RBM46: variants seen among roughly 807,000 people sequenced by gnomAD.
RBM46 encodes the protein RNA binding motif protein 46.
Under a neutral mutation model 43.3 loss-of-function variants are expected in RBM46, and 12 were observed. The ratio of observed to expected loss-of-function variants is 0.28; its 90% CI spans 0.18 to 0.45. The LOEUF (loss-of-function observed/expected upper bound fraction) is 0.45. RBM46 is among the 20% of genes least tolerant of loss of function. The pLI, the probability that RBM46 is intolerant of heterozygous loss-of-function variation, is 1.00. For synonymous variants in RBM46, 205 were observed against 207.6 expected, an observed-to-expected ratio of 0.99 and a Z score of 0.11; for missense variants, 412 against 639.1, an observed-to-expected ratio of 0.64 and a Z score of 3.83.
chr4:154,811,108 T>C (rs2111178547), intron 4 of RBM46, among the ~76,000 whole-genome samples: 1 of 152,318 alleles, frequency 6.6e-6, no homozygotes, highest in South Asian at 2.1e-4. Context: ...CAGTTAGAGT[T>C]CTGATAAATG....
chr4:154,811,002 C>A (rs1245828465), intron 4 of RBM46, among the ~76,000 whole-genome samples: 1 of 152,170 alleles, frequency 6.6e-6, no homozygotes, highest in African/African-American at 2.4e-5. Context: ...CAAATACTTA[C>A]CTAAGGCTGT....
intron 4 of RBM46, among the ~76,000 whole-genome samples, chr4:154,815,715 C>A (rs1476116425): frequency 6.6e-6 from 1 of 151,762 alleles, no homozygotes; most frequent in Non-Finnish European, 1.5e-5. Context: ...TTTAAAATAT[C>A]TTGTTCTACT....
At chr4:154,817,377 G>C (rs1456713337) in intron 4 of RBM46, among the ~76,000 whole-genome samples, 5 of 146,720 alleles carry the variant, frequency 3.4e-5, no homozygotes, top group Non-Finnish European at 7.4e-5. Context: ...CTGTCGCCCA[G>C]GCTGGAGTGC....
At chr4:154,796,961 A>G in intron 2 of RBM46, 58 bp downstream of exon 2, 1 of 1,421,854 alleles carries the variant, frequency 7.0e-7, no homozygotes, top group Admixed American at 1.9e-5. Flanking sequence ...TGTAGATTAG[A>G]TGTGTATCCC....
At chr4:154,797,158 G>C (rs1734395459) in intron 2 of RBM46, among the ~76,000 whole-genome samples, 1 of 152,096 alleles carries the variant, frequency 6.6e-6, no homozygotes, top group South Asian at 2.1e-4. Context: ...TCAGGATTAG[G>C]AAAGTAGGAA....
In RBM46 at chr4:154,817,050, T is replaced by C. The variant is rs548020953; in HGVS notation, c.1403-10818T>C. 3.3e-5 allele frequency among the ~76,000 whole-genome samples: 5 copies of C among 152,148 alleles called. No homozygotes were observed. In the South Asian group the frequency reaches 8.3e-4, roughly 25 times the overall value. ...ATGGTACATTATACATTATACTTTTTATATATTGCTAAAATTCATTTGTTT... is the reference window on the plus strand; with the variant it reads ...ATGGTACATTATACATTATACTTTTCATATATTGCTAAAATTCATTTGTTT... On this transcript the variant is annotated intron_variant, in intron 4 of 4. Coordinates refer to ENST00000281722, the MANE Select transcript of RBM46 (RefSeq NM_144979.5).
chr4:154,822,317 A>G (rs906743277), intron 4 of RBM46, among the ~76,000 whole-genome samples: 2 of 151,540 alleles, frequency 1.3e-5, no homozygotes, highest in African/African-American at 4.8e-5. Flanking sequence ...TAGAATTTCA[A>G]CCCCTTGCTT....
chr4:154,786,729 C>T (rs1733789805), intron 1 of RBM46, among the ~76,000 whole-genome samples: 2 of 151,914 alleles, frequency 1.3e-5, no homozygotes, highest in Non-Finnish European at 2.9e-5. Flanking sequence ...GAGTTCAAGA[C>T]AAGCCTGACC....
At chr4:154,803,201 G>T (rs535596056) in intron 4 of RBM46, among the ~76,000 whole-genome samples, 2 of 151,940 alleles carry the variant, frequency 1.3e-5, no homozygotes, top group Non-Finnish European at 2.9e-5. Context: ...AAATATTTAG[G>T]TGTTTTTTTT....
In RBM46 at chr4:154,799,178, G is replaced by T. The variant is rs768819800; in HGVS notation, c.1016G>T (p.Ser339Ile). 1.2e-6 allele frequency: 2 copies of T among 1,613,968 alleles called. No individual in the cohort carries two copies. The highest frequency in any genetic ancestry group is 1.7e-6 in the Non-Finnish European group (2 of 1,180,032). The change falls in exon 4 of 5, where the codon AGC becomes ATC. Residue 339 changes from serine (S) to isoleucine (I), a missense_variant. By Grantham distance (142) the Ser-to-Ile change is moderately radical. This residue lies in a region of RBM46 where 105 missense variants were observed against 111.0 expected (regional missense o/e 0.95). Coordinates refer to ENST00000281722, the MANE Select transcript of RBM46 (RefSeq NM_144979.5). ...NLIVFANKEE[S>I]HPKTLGKLPT... is the part of the protein sequence containing the mutation. ...ATTGTGTTTGCTAACAAAGAAGAGAGCCACCCAAAAACTCTAGGCAAGCTG... is the reference window on the plus strand; with the variant it reads ...ATTGTGTTTGCTAACAAAGAAGAGATCCACCCAAAAACTCTAGGCAAGCTG...
chr4:154,795,447 T>G (rs1275318078), intron 1 of RBM46, among the ~76,000 whole-genome samples: 1 of 152,192 alleles, frequency 6.6e-6, no homozygotes, highest in East Asian at 1.9e-4. Context: ...TTTTTTCTTT[T>G]GCCTTCTAAA....
At chr4:154,784,215 C>G (rs986923967) in intron 1 of RBM46, among the ~76,000 whole-genome samples, 2 of 152,128 alleles carry the variant, frequency 1.3e-5, no homozygotes, top group Admixed American at 6.5e-5. Context: ...ATAATGTTCT[C>G]TTTCACAGCT....
chr4:154,819,694 T>A (rs1251364465), intron 4 of RBM46, among the ~76,000 whole-genome samples: 1 of 152,130 alleles, frequency 6.6e-6, no homozygotes, highest in Non-Finnish European at 1.5e-5. Flanking sequence ...TTTCTATAGG[T>A]TATCAGAAAT....
At chr4:154,804,105 G>C (rs1734788382) in intron 4 of RBM46, among the ~76,000 whole-genome samples, 1 of 152,176 alleles carries the variant, frequency 6.6e-6, no homozygotes, top group Non-Finnish European at 1.5e-5. Flanking sequence ...GGCCTTCCCA[G>C]TAGCCTAGCA....
At chr4:154,818,867 A>G (rs947528336) in intron 4 of RBM46, among the ~76,000 whole-genome samples, 11 of 152,144 alleles carry the variant, frequency 7.2e-5, no homozygotes, top group Non-Finnish European at 1.6e-4. Context: ...AGAACCATTC[A>G]TTTAGATTCA....
chr4:154,796,979 A>C, intron 2 of RBM46, 76 bp downstream of exon 2: 5 of 1,216,676 alleles, frequency 4.1e-6, no homozygotes, highest in Non-Finnish European at 5.8e-6. Context: ...CCCCACAAGT[A>C]TTCCAAACAA....
intron 1 of RBM46, among the ~76,000 whole-genome samples, chr4:154,783,028 C>G (rs1026217040): frequency 1.3e-5 from 2 of 152,128 alleles, no homozygotes; most frequent in African/African-American, 4.8e-5. Context: ...TTATGGGGGT[C>G]TAATAATAGA....
At chr4:154,783,997 A>G (rs1299929042) in intron 1 of RBM46, among the ~76,000 whole-genome samples, 1 of 151,960 alleles carries the variant, frequency 6.6e-6, no homozygotes, top group African/African-American at 2.4e-5. Context: ...CAAACAGAAA[A>G]CCTCCATTGA....
chr4:154,813,410 T>C (rs1264520119), intron 4 of RBM46, among the ~76,000 whole-genome samples: 1 of 152,060 alleles, frequency 6.6e-6, no homozygotes, highest in Non-Finnish European at 1.5e-5. Context: ...ATTGGATATG[T>C]GTATATTATA....
Sources: allele counts gnomAD v4.1 joint callset (sites outside exome capture counted in the v4.1 genomes callset), GRCh38; gene constraint gnomAD v4.1.1; regional missense constraint gnomAD v4.1.1; transcripts MANE v1.5; gene names NCBI Gene and HGNC (gene_info 2026-07-23, HGNC 2026-07-21).